Variants in RAB6B observed in about 807,000 individuals in gnomAD.
RAB6B encodes the protein ras-related protein Rab-6B.
Under a neutral mutation model 31.2 loss-of-function variants are expected in RAB6B, and 7 were observed. That is an observed-to-expected ratio of 0.22 (90% CI 0.13 to 0.42). RAB6B has a LOEUF of 0.42. Among genes scored for constraint, RAB6B ranks in the 10% least tolerant of loss-of-function variants. RAB6B has a pLI of 1.00. For synonymous variants in RAB6B, 105 were observed against 104.9 expected, an observed-to-expected ratio of 1.00 and a Z score of -0.01; for missense variants, 149 against 280.6, an observed-to-expected ratio of 0.53 and a Z score of 3.35.
intron 1 of RAB6B, among the ~76,000 whole-genome samples, chr3:133,868,634 TTC>T (rs1421200673): frequency 3.3e-5 from 5 of 152,248 alleles, no homozygotes; most frequent in African/African-American, 4.8e-5. Flanking sequence ...CTTTTTTATT[TTC>T]TCTCTGCTCA....
intron 1 of RAB6B, among the ~76,000 whole-genome samples, chr3:133,871,345 G>A (rs1330185363): frequency 1.3e-5 from 2 of 152,226 alleles, no homozygotes; most frequent in Non-Finnish European, 2.9e-5. Flanking sequence ...CCTGAAAAAG[G>A]CACCATTTGG....
chr3:133,837,765 C>A (rs41272331), intron 6 of RAB6B, among the ~76,000 whole-genome samples: 1 of 152,208 alleles, frequency 6.6e-6, no homozygotes, highest in Non-Finnish European at 1.5e-5. Context: ...ACTTGCTAAG[C>A]GCAAGGCATG....
chr3:133,848,292 G>C (rs1330872936), intron 2 of RAB6B, among the ~76,000 whole-genome samples: 1 of 152,124 alleles, frequency 6.6e-6, no homozygotes, highest in Non-Finnish European at 1.5e-5. Flanking sequence ...ATACTGAACT[G>C]GTTGCTTGGC....
In RAB6B at chr3:133,828,586, T is replaced by C. The variant is rs1935608687; in HGVS notation, c.*202A>G. On this transcript the variant is annotated 3_prime_UTR_variant, in exon 8 of 8. Transcript: ENST00000285208. ...ATATTACAACCAAACCAAAAAATAG[T>C]TGTTTAAGTAACAGCCGTTAAGAGT... The C allele has an allele frequency of 1.5e-6, 1 of 647,456 alleles. No individual in the cohort carries two copies. The highest frequency in any genetic ancestry group is 1.8e-5 in the African/African-American group (1 of 54,978). The allele number at this position is 647,456 out of a possible 1,614,324, so 40.1% of individuals were successfully genotyped here. A position where few individuals can be genotyped will look rare whatever the true frequency, so the allele number is the denominator to read the frequency against.
At chr3:133,863,604 C>T (rs558211523) in intron 2 of RAB6B, among the ~76,000 whole-genome samples, 1 of 152,302 alleles carries the variant, frequency 6.6e-6, no homozygotes, top group South Asian at 2.1e-4. Flanking sequence ...TAGTCAGGCT[C>T]CGAGAAGCCC....
At chr3:133,857,150 A>G (rs1936092180) in intron 2 of RAB6B, among the ~76,000 whole-genome samples, 1 of 152,146 alleles carries the variant, frequency 6.6e-6, no homozygotes, top group South Asian at 2.1e-4. Context: ...GTTTCTGTAC[A>G]GTAATGCACA....
chr3:133,840,146 T>C (rs1323457048), intron 4 of RAB6B, among the ~76,000 whole-genome samples: 2 of 151,948 alleles, frequency 1.3e-5, no homozygotes, highest in Non-Finnish European at 2.9e-5. Flanking sequence ...CAGAGGGGTT[T>C]CTGAAGAGAA....
chr3:133,878,503 C>A (rs1936426374), intron 1 of RAB6B, among the ~76,000 whole-genome samples: 4 of 152,196 alleles, frequency 2.6e-5, no homozygotes. Flanking sequence ...TGACAGAATT[C>A]ATCACCAGCA....
chr3:133,844,352 A>G (rs962059689), intron 2 of RAB6B, among the ~76,000 whole-genome samples: 3 of 152,194 alleles, frequency 2.0e-5, no homozygotes, highest in African/African-American at 7.2e-5. Context: ...CCCAACAGAG[A>G]AACCTCTGGT....
intron 1 of RAB6B, among the ~76,000 whole-genome samples, chr3:133,892,270 A>G (rs1446442394): frequency 6.6e-6 from 1 of 152,104 alleles, no homozygotes; most frequent in Non-Finnish European, 1.5e-5. Context: ...CCCTGCCACA[A>G]GGAAATCTCT....
chr3:133,874,296 A>G (rs1489276788), intron 1 of RAB6B, among the ~76,000 whole-genome samples: 2 of 152,238 alleles, frequency 1.3e-5, no homozygotes, highest in East Asian at 1.9e-4. Context: ...AACATCATAA[A>G]GTATGCTTCC....
chr3:133,840,808 G>C lies in RAB6B; in HGVS notation c.289+477C>G, dbSNP rs569459309. On this transcript the variant is annotated intron_variant, in intron 4 of 7. Coordinates refer to ENST00000285208, the MANE Select transcript of RAB6B (RefSeq NM_016577.4). ...CCACAGTACTGGAGAAGGGTTACCA[G>C]CCTACTGCGCTTCCAGACCCCCTTG... Among the ~76,000 whole-genome samples, 7 of 152,136 alleles carry C rather than the reference G, an allele frequency of 4.6e-5. 1 individual carries two copies. The South Asian group carries it at 1.2e-3, about 27-fold the overall frequency.
At chr3:133,846,478 G>C (rs1935910379) in intron 2 of RAB6B, among the ~76,000 whole-genome samples, 1 of 152,064 alleles carries the variant, frequency 6.6e-6, no homozygotes, top group Non-Finnish European at 1.5e-5. Context: ...AATGCAATTA[G>C]AGTCTCAGGA....
chr3:133,895,373 CAA>C, intron 1 of RAB6B, 22 bp downstream of exon 1: 1 of 1,606,988 alleles, frequency 6.2e-7, no homozygotes, highest in South Asian at 1.1e-5. Flanking sequence ...GGCGACAAGC[CAA>C]GAGATTAAGC....
chr3:133,858,151 C>A (rs1258746868), intron 2 of RAB6B, among the ~76,000 whole-genome samples: 1 of 152,196 alleles, frequency 6.6e-6, no homozygotes, highest in African/African-American at 2.4e-5. Context: ...CTTCCACAGT[C>A]CCAGTCACTG....
rs144770426 is a variant in RAB6B, at chr3:133,868,322, G to A, written c.71-3680C>T. On this transcript the variant is annotated intron_variant, in intron 1 of 7. Transcript: ENST00000285208. ...ATAAGGGGTGGGCAGAACCCATCCC[G>A]AGCCACCTGACCAGGCACTCCCACT... Among the ~76,000 whole-genome samples, 456 of 152,274 alleles carry A rather than the reference G, an allele frequency of 3.0e-3. 1 individual carries two copies. Among genetic ancestry groups the A allele is most frequent in the South Asian group, 0.01 (49 of 4,824 alleles).
intron 2 of RAB6B, among the ~76,000 whole-genome samples, chr3:133,855,619 G>GT (rs1419454570): frequency 2.0e-5 from 3 of 152,188 alleles, no homozygotes; most frequent in African/African-American, 7.2e-5. Context: ...GGATTCATGT[G>GT]TGCCAGCCCT....
intron 1 of RAB6B, among the ~76,000 whole-genome samples, chr3:133,866,471 A>G (rs962210141): frequency 6.6e-6 from 1 of 152,200 alleles, no homozygotes; most frequent in East Asian, 1.9e-4. Context: ...GGTCAGTGCC[A>G]GAAGTGAATT....
chr3:133,860,743 C>T (rs1936148937), intron 2 of RAB6B, among the ~76,000 whole-genome samples: 1 of 152,224 alleles, frequency 6.6e-6, no homozygotes, highest in East Asian at 1.9e-4. Flanking sequence ...TGCTCCTCCA[C>T]TCTGAGAGTG....
Sources: allele counts gnomAD v4.1 joint callset (sites outside exome capture counted in the v4.1 genomes callset), GRCh38; gene constraint gnomAD v4.1.1; transcripts MANE v1.5; gene names NCBI Gene and HGNC (gene_info 2026-07-23, HGNC 2026-07-21).